The following ELL variants were observed in gnomAD, a reference collection of about 807,000 sequenced individuals.
ELL encodes the protein RNA polymerase II elongation factor ELL.
A neutral mutation model predicts 64.0 loss-of-function variants in ELL; 18 were observed. The observed-to-expected ratio is 0.28, with a 90% CI of 0.19 to 0.42. The LOEUF (loss-of-function observed/expected upper bound fraction) is 0.42. ELL is among the 10% of genes least tolerant of loss of function. The pLI is 1.00. For synonymous variants in ELL, 399 were observed against 376.2 expected, an observed-to-expected ratio of 1.06 and a Z score of -0.70; for missense variants, 797 against 870.4, an observed-to-expected ratio of 0.92 and a Z score of 1.06.
intron 1 of ELL, among the ~76,000 whole-genome samples, chr19:18,487,707 T>C (rs940300278): frequency 6.6e-6 from 1 of 152,232 alleles, no homozygotes; most frequent in African/African-American, 2.4e-5. Flanking sequence ...GTTGTTCCTC[T>C]GGAGAGAATG....
chr19:18,485,088 A>C (rs1439802649), intron 1 of ELL, among the ~76,000 whole-genome samples: 1 of 152,212 alleles, frequency 6.6e-6, no homozygotes, highest in Non-Finnish European at 1.5e-5. Context: ...ATCAGAGCCC[A>C]GGCCAGGCCT....
intron 6 of ELL, among the ~76,000 whole-genome samples, chr19:18,452,001 C>T (rs1212892735): frequency 6.6e-6 from 1 of 152,218 alleles, no homozygotes; most frequent in African/African-American, 2.4e-5. Flanking sequence ...GTCCAAAATG[C>T]AGAAGAGAAC....
intron 1 of ELL, among the ~76,000 whole-genome samples, chr19:18,485,635 G>T (rs1466517038): frequency 6.6e-6 from 1 of 152,166 alleles, no homozygotes; most frequent in Non-Finnish European, 1.5e-5. Context: ...AGGCCTGGTG[G>T]TTGGAGGCAG....
At chr19:18,499,813 C>T (rs951809592) in intron 1 of ELL, among the ~76,000 whole-genome samples, 4 of 152,168 alleles carry the variant, frequency 2.6e-5, no homozygotes, top group African/African-American at 9.7e-5. Flanking sequence ...GAGAACCCAC[C>T]AGGGATGGCT....
chr19:18,452,174 G>A (rs1974554105), intron 6 of ELL, among the ~76,000 whole-genome samples: 1 of 152,174 alleles, frequency 6.6e-6, no homozygotes. Flanking sequence ...TGTGATCTGG[G>A]CAAGTGGAAT....
intron 1 of ELL, among the ~76,000 whole-genome samples, chr19:18,475,211 T>G (rs913000800): frequency 1.3e-5 from 2 of 152,174 alleles, no homozygotes; most frequent in African/African-American, 4.8e-5. Context: ...AGACACCGGA[T>G]GCCATTACTC....
intron 1 of ELL, among the ~76,000 whole-genome samples, chr19:18,508,188 C>T (rs1477839788): frequency 6.6e-6 from 1 of 152,094 alleles, no homozygotes; most frequent in East Asian, 1.9e-4. Context: ...GTGGCTCACG[C>T]CTATAGCACT....
intron 1 of ELL, among the ~76,000 whole-genome samples, chr19:18,479,355 G>A (rs910038550): frequency 1.3e-4 from 20 of 152,198 alleles, no homozygotes; most frequent in Non-Finnish European, 2.6e-4. Flanking sequence ...TGGGAAAAAA[G>A]ACCTGCTCCC....
At chr19:18,461,475 C>CT in intron 5 of ELL, 103 bp downstream of exon 5, 4 of 1,506,262 alleles carry the variant, frequency 2.7e-6, no homozygotes, top group Non-Finnish European at 3.5e-6. Context: ...AGGGCTCTTC[C>CT]TTGCCAGTCC....
intron 1 of ELL, among the ~76,000 whole-genome samples, chr19:18,518,489 C>CA (rs34535243): frequency 0.19 from 21,353 of 110,452 alleles, 1,749 homozygotes; most frequent in African/African-American, 0.27. Context: ...AACCCTGTCT[C>CA]AAAAAAAAAA....
At chr19:18,475,397 G>A (rs769521397) in intron 1 of ELL, among the ~76,000 whole-genome samples, 2 of 152,206 alleles carry the variant, frequency 1.3e-5, no homozygotes, top group African/African-American at 4.8e-5. Flanking sequence ...CTGCCGTCGT[G>A]GGCGGGAGTG....
At chr19:18,516,325 A>G (rs1261352948) in intron 1 of ELL, among the ~76,000 whole-genome samples, 1 of 152,096 alleles carries the variant, frequency 6.6e-6, no homozygotes, top group Non-Finnish European at 1.5e-5. Context: ...CTTCCCTGCG[A>G]CAGCACACCG....
intron 1 of ELL, among the ~76,000 whole-genome samples, chr19:18,513,424 T>G (rs1976068344): frequency 6.6e-6 from 1 of 152,108 alleles, no homozygotes; most frequent in Admixed American, 6.6e-5. Flanking sequence ...CATAAAGTGT[T>G]CAGGGAAGAA....
chr19:18,466,006 C>A, intron 2 of ELL, 88 bp from the exon 3 acceptor site: 1 of 1,175,712 alleles, frequency 8.5e-7, no homozygotes, highest in East Asian at 3.2e-5. Flanking sequence ...CCCCACAGTG[C>A]AACCCTCACA....
In ELL at chr19:18,444,657, G is replaced by A; in HGVS notation, c.*95C>T. 1 of 1,348,124 alleles carries A rather than the reference G, an allele frequency of 7.4e-7. No homozygotes were observed. Among genetic ancestry groups the A allele is most frequent in the Non-Finnish European group, 1.0e-6 (1 of 990,084 alleles). 83.5% of individuals were successfully genotyped at this position (1,348,124 alleles called of 1,614,324 possible). A position where few individuals can be genotyped will look rare whatever the true frequency, so the allele number is the denominator to read the frequency against. On this transcript the variant is annotated 3_prime_UTR_variant, in exon 12 of 12. Coordinates refer to ENST00000262809, the MANE Select transcript of ELL (RefSeq NM_006532.4). Reference sequence around the variant, plus strand: ...GAAAGCCGGCGGTGCTGGCTCAGATGAGCATCTTCCTCGGGTTTATTTTTT... The same window carrying A: ...GAAAGCCGGCGGTGCTGGCTCAGATAAGCATCTTCCTCGGGTTTATTTTTT...
At chr19:18,492,852 A>C (rs1975560490) in intron 1 of ELL, among the ~76,000 whole-genome samples, 1 of 150,540 alleles carries the variant, frequency 6.6e-6, no homozygotes, top group South Asian at 2.1e-4. Flanking sequence ...TCTGAGCCTC[A>C]GTTTTCTCTT....
intron 2 of ELL, among the ~76,000 whole-genome samples, chr19:18,469,365 G>A (rs1270524255): frequency 2.0e-5 from 3 of 152,214 alleles, no homozygotes; most frequent in South Asian, 2.1e-4. Flanking sequence ...GCCCGGGACC[G>A]TGGGGAAGCC....
At chr19:18,446,270 G>A (rs1190016650) in intron 10 of ELL, 39 bp downstream of exon 10, 9 of 1,504,144 alleles carry the variant, frequency 6.0e-6, no homozygotes, top group Middle Eastern at 2.1e-4. Flanking sequence ...CCTGGCTCCC[G>A]CCAGAGCCAG....
At chr19:18,521,636 C>A (rs1163137305) in intron 1 of ELL, among the ~76,000 whole-genome samples, 1 of 152,116 alleles carries the variant, frequency 6.6e-6, no homozygotes, top group Admixed American at 6.5e-5. Flanking sequence ...AGGCCCCGGA[C>A]GCCGCCAGGT....
Sources: allele counts gnomAD v4.1 joint callset (sites outside exome capture counted in the v4.1 genomes callset), GRCh38; gene constraint gnomAD v4.1.1; transcripts MANE v1.5; gene names NCBI Gene and HGNC (gene_info 2026-07-23, HGNC 2026-07-21).